The following LRP2 variants were observed in gnomAD, a reference collection of about 807,000 sequenced individuals.
LRP2 encodes low-density lipoprotein receptor-related protein 2.
LRP2 carries 172 observed loss-of-function variants against 531.0 expected under a neutral mutation model. The ratio of observed to expected loss-of-function variants is 0.32; its 90% CI spans 0.29 to 0.37. The LOEUF (loss-of-function observed/expected upper bound fraction) is 0.37. Ranked by LOEUF, LRP2 falls within the 10% of genes least tolerant of loss-of-function variation. LRP2 has a pLI of 1.00. For synonymous variants in LRP2, 1,992 were observed against 2,027.6 expected, an observed-to-expected ratio of 0.98 and a Z score of 0.47; for missense variants, 5,167 against 5,868.3, an observed-to-expected ratio of 0.88 and a Z score of 3.90.
In LRP2 at chr2:169,202,842, G is replaced by T; in HGVS notation, c.8123C>A (p.Ser2708Tyr). The T allele has an allele frequency of 6.2e-7, 1 of 1,614,148 alleles. No homozygotes were observed. Among genetic ancestry groups the T allele is most frequent in the Non-Finnish European group, 8.5e-7 (1 of 1,180,010 alleles). Residue 2708 changes from serine to tyrosine, a missense_variant, in exon 43 of 79, where the codon TCC becomes TAC. By Grantham distance (144) the Ser-to-Tyr change is moderately radical. Transcript: ENST00000649046. ...ERCGASSFTC[S>Y]NGRCISEEWK... ...CTCTTCCGAGATGCAGCGCCCATTGGAGCAGGTGAAGGAAGATGCACCACA... is the reference window on the plus strand; with the variant it reads ...CTCTTCCGAGATGCAGCGCCCATTGTAGCAGGTGAAGGAAGATGCACCACA...
intron 67 of LRP2, among the ~76,000 whole-genome samples, chr2:169,152,325 T>C (rs141668801): frequency 0.019 from 2,847 of 152,236 alleles, 26 homozygotes; most frequent in Middle Eastern, 0.085. Flanking sequence ...AAACACAAGA[T>C]GTGGATTGTT....
At chr2:169,207,780 T>C (rs892818939) in intron 38 of LRP2, among the ~76,000 whole-genome samples, 4 of 152,252 alleles carry the variant, frequency 2.6e-5, no homozygotes, top group Non-Finnish European at 5.9e-5. Flanking sequence ...CCATGGACCT[T>C]CTAAAAGTGA....
chr2:169,199,779 A>G (rs956096280), intron 44 of LRP2, among the ~76,000 whole-genome samples: 24 of 152,214 alleles, frequency 1.6e-4, no homozygotes, highest in African/African-American at 5.5e-4. Context: ...TATTGTTAAT[A>G]GTATTCTTTG....
chr2:169,316,959 C>A (rs2105510342), intron 3 of LRP2, among the ~76,000 whole-genome samples: 1 of 152,136 alleles, frequency 6.6e-6, no homozygotes, highest in South Asian at 2.1e-4. Flanking sequence ...AATCTAAATG[C>A]CCATCCAGTG....
intron 1 of LRP2, among the ~76,000 whole-genome samples, chr2:169,322,870 T>C (rs989115980): frequency 6.6e-6 from 1 of 152,134 alleles, no homozygotes; most frequent in Admixed American, 6.5e-5. Flanking sequence ...ACTGAGTATT[T>C]AGGAGGAAAT....
chr2:169,277,447 T>C (rs1245722592), intron 13 of LRP2, among the ~76,000 whole-genome samples: 1 of 151,578 alleles, frequency 6.6e-6, no homozygotes, highest in Non-Finnish European at 1.5e-5. Context: ...AACTCAGGAG[T>C]GAATGAAAAT....
chr2:169,172,476 T>C (rs1687042123), intron 57 of LRP2, among the ~76,000 whole-genome samples: 1 of 152,244 alleles, frequency 6.6e-6, no homozygotes, highest in Admixed American at 6.5e-5. Flanking sequence ...TTGGACTCAG[T>C]GTTCTTAAAA....
intron 33 of LRP2, among the ~76,000 whole-genome samples, chr2:169,222,159 C>T (rs994840158): frequency 6.6e-6 from 1 of 152,062 alleles, no homozygotes; most frequent in African/African-American, 2.4e-5. Context: ...ATTTAAATGA[C>T]CTAAGGGGAA....
Position 169,239,795 on chromosome 2 carries a change from T to C in LRP2, c.4046-20A>G. 1.9e-6 allele frequency: 3 copies of C among 1,605,632 alleles called. No homozygotes were observed. The highest frequency in any genetic ancestry group is 1.7e-4 in the Middle Eastern group (1 of 6,048). On this transcript the variant is annotated intron_variant, in intron 25 of 78. Transcript: ENST00000649046. ...TCCCATCTAGAAAAAAGAAAGAGAA[T>C]AATGAAAAAAGAAAATCAAGAATCT...
At chr2:169,306,157 T>C (rs896573322) in intron 4 of LRP2, among the ~76,000 whole-genome samples, 4 of 151,826 alleles carry the variant, frequency 2.6e-5, no homozygotes, top group Non-Finnish European at 5.9e-5. Context: ...ATATGTTATA[T>C]GTATATATTA....
intron 43 of LRP2, among the ~76,000 whole-genome samples, chr2:169,202,287 G>A (rs1365370911): frequency 1.3e-5 from 2 of 152,186 alleles, no homozygotes; most frequent in Non-Finnish European, 2.9e-5. Context: ...TCAGATGGAA[G>A]CTGAGGATTG....
rs747004435 is a variant in LRP2 at position 169,139,594 on chromosome 2, T to A, written c.13216A>T (p.Thr4406Ser). ...LPKCKCPSGY[T>S]GKYCEMAFSK... ...AACGCCATTTCACAATATTTTCCGG[T>A]GTAGCCGCTAGGACACCTGAAAGGA... The change falls in exon 73 of 79, where the codon ACC becomes TCC. Residue 4406 changes from threonine (T) to serine (S), a missense_variant. Transcript: ENST00000649046. 2 of 1,614,098 alleles carry A rather than the reference T, an allele frequency of 1.2e-6. No homozygotes were observed. The highest frequency in any genetic ancestry group is 1.3e-5 in the African/African-American group (1 of 74,942).
chr2:169,254,896 G>A (rs1690241464), intron 19 of LRP2, among the ~76,000 whole-genome samples: 1 of 151,914 alleles, frequency 6.6e-6, no homozygotes, highest in Admixed American at 6.6e-5. Flanking sequence ...TAAATGGATG[G>A]CAGCGGCGGG....
In LRP2 at chr2:169,157,952, AT is replaced by A. The variant is rs1468857912; in HGVS notation, c.11888-451del. 1.1e-3 allele frequency among the ~76,000 whole-genome samples: 169 copies of A among 149,156 alleles called. 4 individuals are homozygous for A. In the East Asian group the frequency reaches 0.028, roughly 25 times the overall value. ...AATAAATAAATAAATAAATAAATAA[AT>A]AAATAAAAGACATGGATACAGATAG... On this transcript the variant is annotated intron_variant, in intron 63 of 78. Coordinates refer to ENST00000649046, the MANE Select transcript of LRP2 (RefSeq NM_004525.3).
At chr2:169,147,665 G>C (rs1659782967) in intron 68 of LRP2, among the ~76,000 whole-genome samples, 1 of 152,158 alleles carries the variant, frequency 6.6e-6, no homozygotes, top group East Asian at 1.9e-4. Context: ...TAATTGTAGA[G>C]CAAGGGTCTA....
intron 16 of LRP2, among the ~76,000 whole-genome samples, chr2:169,263,545 GA>G (rs1690661697): frequency 1.3e-5 from 2 of 150,230 alleles, no homozygotes; most frequent in South Asian, 4.4e-4. Flanking sequence ...ACCACAATGA[GA>G]TACCATTTCA....
At chr2:169,301,869 T>A (rs1296226140) in intron 4 of LRP2, among the ~76,000 whole-genome samples, 1 of 152,038 alleles carries the variant, frequency 6.6e-6, no homozygotes, top group East Asian at 1.9e-4. Context: ...AACCTAGGGG[T>A]CTGGAATGAC....
intron 35 of LRP2, among the ~76,000 whole-genome samples, chr2:169,214,515 C>T (rs1165144243): frequency 6.6e-6 from 1 of 152,140 alleles, no homozygotes; most frequent in Non-Finnish European, 1.5e-5. Context: ...CTGCTCTGTG[C>T]CAGGATCTGG....
chr2:169,283,311 G>A (rs1489124022), intron 9 of LRP2, among the ~76,000 whole-genome samples: 3 of 152,094 alleles, frequency 2.0e-5, no homozygotes, highest in Non-Finnish European at 4.4e-5. Context: ...TATAAATTTT[G>A]GTGTAAATGT....
Sources: allele counts gnomAD v4.1 joint callset (sites outside exome capture counted in the v4.1 genomes callset), GRCh38; gene constraint gnomAD v4.1.1; transcripts MANE v1.5; gene names NCBI Gene and HGNC (gene_info 2026-07-23, HGNC 2026-07-21).